SLC5A1: variants seen among roughly 807,000 people sequenced by gnomAD.
SLC5A1 encodes solute carrier family 5 member 1.
SLC5A1 carries 42 observed loss-of-function variants against 73.5 expected under a neutral mutation model. That is an observed-to-expected ratio of 0.57 (90% CI 0.45 to 0.74). The LOEUF (loss-of-function observed/expected upper bound fraction) is 0.74. SLC5A1 is among the 30% of genes least tolerant of loss of function. The pLI is 0.00. For missense variants in SLC5A1, 634 were observed against 855.4 expected (o/e 0.74, Z 3.23); for synonymous variants, 300 against 317.4 (o/e 0.95, Z 0.58).
chr22:32,110,392 A>G lies in SLC5A1; in HGVS notation c.*179A>G. 3.0e-6 allele frequency: 2 copies of G among 657,542 alleles called. No individual in the cohort carries two copies. Among genetic ancestry groups the G allele is most frequent in the Non-Finnish European group, 5.5e-6 (2 of 361,516 alleles). The allele number at this position is 657,542 out of a possible 1,614,324, so 40.7% of individuals were successfully genotyped here. On this transcript the variant is annotated 3_prime_UTR_variant, in exon 15 of 15. Coordinates refer to ENST00000266088, the MANE Select transcript of SLC5A1 (RefSeq NM_000343.4). Reference sequence around the variant, plus strand: ...CCATTAGTTTGCTGTTAATTTATGCATTTGAAGCCAGTGTGATACAGCCAT... The same window carrying G: ...CCATTAGTTTGCTGTTAATTTATGCGTTTGAAGCCAGTGTGATACAGCCAT...
chr22:32,055,728 T>C (rs1178268431), intron 2 of SLC5A1, among the ~76,000 whole-genome samples: 1 of 152,234 alleles, frequency 6.6e-6, no homozygotes, highest in Non-Finnish European at 1.5e-5. Context: ...CTTATTGTCA[T>C]CTGTAAATGA....
chr22:32,103,163 G>T (rs966393572), intron 13 of SLC5A1, among the ~76,000 whole-genome samples: 2 of 152,090 alleles, frequency 1.3e-5, no homozygotes, highest in African/African-American at 4.8e-5. Flanking sequence ...TCTTCATTGT[G>T]GCTGTGATAA....
intron 12 of SLC5A1, among the ~76,000 whole-genome samples, chr22:32,099,878 A>C (rs1220660912): frequency 6.6e-6 from 1 of 152,222 alleles, no homozygotes; most frequent in Admixed American, 6.5e-5. Context: ...AGTGAAGACA[A>C]AGTCCTGGTG....
intron 1 of SLC5A1, among the ~76,000 whole-genome samples, chr22:32,049,060 TGA>T (rs1452227189): frequency 1.4e-5 from 2 of 145,422 alleles, no homozygotes; most frequent in African/African-American, 5.1e-5. Context: ...GGTGACTGAG[TGA>T]GACTTTGTCT....
chr22:32,084,207 T>C (rs2094004348), intron 7 of SLC5A1, among the ~76,000 whole-genome samples: 1 of 152,244 alleles, frequency 6.6e-6, no homozygotes, highest in Non-Finnish European at 1.5e-5. Context: ...CTTTTACAAG[T>C]GATTGCTTTG....
At chr22:32,097,733 A>G (rs551612979) in intron 11 of SLC5A1, among the ~76,000 whole-genome samples, 1 of 152,204 alleles carries the variant, frequency 6.6e-6, no homozygotes, top group Non-Finnish European at 1.5e-5. Context: ...GCAAGGTTTT[A>G]CTCTCACTTA....
At chr22:32,092,179 T>C (rs1689579346) in intron 11 of SLC5A1, among the ~76,000 whole-genome samples, 1 of 152,184 alleles carries the variant, frequency 6.6e-6, no homozygotes, top group Non-Finnish European at 1.5e-5. Context: ...CTCCCACTTA[T>C]AAGTGAGAAC....
intron 11 of SLC5A1, among the ~76,000 whole-genome samples, chr22:32,093,881 G>C (rs529242814): frequency 2.6e-5 from 4 of 152,120 alleles, no homozygotes; most frequent in Non-Finnish European, 4.4e-5. Flanking sequence ...GTACTATGTT[G>C]AATACAAGTG....
intron 11 of SLC5A1, among the ~76,000 whole-genome samples, chr22:32,092,003 A>C (rs1356186587): frequency 2.6e-5 from 4 of 152,198 alleles, no homozygotes; most frequent in Non-Finnish European, 4.4e-5. Context: ...TTACATGAGT[A>C]AGCTCTTTAG....
At chr22:32,105,696 TG>T (rs556769821) in intron 14 of SLC5A1, among the ~76,000 whole-genome samples, 435 of 152,318 alleles carry the variant, frequency 2.9e-3, no homozygotes, top group African/African-American at 8.9e-3. Context: ...ATTTTTTTGT[TG>T]TACCCATTAA....
At chr22:32,060,124 T>TAC (rs1196718887) in intron 2 of SLC5A1, among the ~76,000 whole-genome samples, 3 of 48,940 alleles carry the variant, frequency 6.1e-5, no homozygotes, top group East Asian at 1.2e-3. Flanking sequence ...TATATATACA[T>TAC]ACACACATAT....
At chr22:32,104,578 G>A (rs544580147) in intron 13 of SLC5A1, among the ~76,000 whole-genome samples, 31 of 152,288 alleles carry the variant, frequency 2.0e-4, no homozygotes, top group African/African-American at 7.5e-4. Context: ...TATCATAGAG[G>A]CTAGTATATA....
At chr22:32,090,536 T>C (rs1038087779) in intron 10 of SLC5A1, among the ~76,000 whole-genome samples, 5 of 152,192 alleles carry the variant, frequency 3.3e-5, no homozygotes, top group African/African-American at 9.6e-5. Context: ...CATTTGTCAA[T>C]TGCTTATGCA....
At chr22:32,081,420 C>T (rs151299578) in intron 5 of SLC5A1, among the ~76,000 whole-genome samples, 3,142 of 152,276 alleles carry the variant, frequency 0.021, 39 homozygotes, top group South Asian at 0.072. Flanking sequence ...TGGGGTTTCT[C>T]ACTTATGGAC....
At chr22:32,100,963 G>A (rs1274246456) in intron 12 of SLC5A1, among the ~76,000 whole-genome samples, 4 of 152,030 alleles carry the variant, frequency 2.6e-5, no homozygotes, top group Non-Finnish European at 5.9e-5. Flanking sequence ...TGTCCACAGT[G>A]CTGTGGCCAC....
intron 14 of SLC5A1, among the ~76,000 whole-genome samples, chr22:32,105,140 C>G (rs1364261296): frequency 6.6e-6 from 1 of 152,050 alleles, no homozygotes; most frequent in Non-Finnish European, 1.5e-5. Flanking sequence ...TTTGTGAGTA[C>G]GTAGTAGGTG....
At chr22:32,066,725 A>G (rs140293499) in intron 2 of SLC5A1, among the ~76,000 whole-genome samples, 2 of 152,162 alleles carry the variant, frequency 1.3e-5, no homozygotes, top group Admixed American at 6.5e-5. Context: ...TCCTTCTCCA[A>G]TCCTCTCCTT....
rs201598524 is a variant in SLC5A1, at chr22:32,091,722, C to T, written c.1240C>T (p.Arg414Cys). 56 of 1,613,854 alleles carry T rather than the reference C, an allele frequency of 3.5e-5. No homozygotes were observed. Among genetic ancestry groups the T allele is most frequent in the Non-Finnish European group, 4.6e-5 (54 of 1,179,962 alleles). ...LFTMDIYAKVRKRASEKELMI... is the reference protein window; with the variant it reads ...LFTMDIYAKVCKRASEKELMI... ...CACCATGGACATCTACGCCAAGGTC[C>T]GCAAGAGAGCATCTGAGAAAGAGCT... The change falls in exon 11 of 15, where the codon CGC becomes TGC. Residue 414 changes from arginine (R) to cysteine (C), a missense_variant. Arg to Cys is a radical substitution (Grantham distance 180). Around this residue, in one of 3 missense-constraint regions of SLC5A1, gnomAD observed 422 missense variants for 626.1 expected, o/e 0.67. Coordinates refer to ENST00000266088, the MANE Select transcript of SLC5A1 (RefSeq NM_000343.4).
At chr22:32,108,967 G>A (rs1239062312) in intron 14 of SLC5A1, among the ~76,000 whole-genome samples, 1 of 152,048 alleles carries the variant, frequency 6.6e-6, no homozygotes, top group African/African-American at 2.4e-5. Context: ...CTTGAGTCCA[G>A]GAGTTCAAGA....
Sources: gnomAD v4.1 joint callset for allele counts (sites outside exome capture counted in the v4.1 genomes callset) on GRCh38, gnomAD v4.1.1 for gene constraint, gnomAD v4.1.1 regional missense constraint, MANE v1.5 for transcripts, NCBI Gene and HGNC (gene_info 2026-07-23, HGNC 2026-07-21) for gene names.